Variants in CYP39A1 observed in about 807,000 individuals in gnomAD.
CYP39A1 encodes 24-hydroxycholesterol 7-alpha-hydroxylase.
CYP39A1 carries 49 observed loss-of-function variants against 58.1 expected under a neutral mutation model. That is an observed-to-expected ratio of 0.84 (90% CI 0.67 to 1.07). The LOEUF (loss-of-function observed/expected upper bound fraction) is 1.07. Ranked by LOEUF, CYP39A1 falls within the 50% of genes least tolerant of loss-of-function variation. CYP39A1 has a pLI of 0.00. For synonymous variants in CYP39A1, 209 were observed against 187.6 expected (o/e 1.11, Z -0.93); for missense variants, 531 against 539.4 (o/e 0.98, Z 0.16).
intron 10 of CYP39A1, among the ~76,000 whole-genome samples, chr6:46,560,493 T>G (rs1173883201): frequency 6.6e-6 from 1 of 152,142 alleles, no homozygotes; most frequent in Non-Finnish European, 1.5e-5. Context: ...ATACAGCTGT[T>G]GTTTACCTCA....
At chr6:46,552,060 T>C (rs1288427245) in intron 11 of CYP39A1, among the ~76,000 whole-genome samples, 1 of 152,138 alleles carries the variant, frequency 6.6e-6, no homozygotes, top group African/African-American at 2.4e-5. Flanking sequence ...ATACAGATAA[T>C]AGAATTCTTA....
intron 7 of CYP39A1, among the ~76,000 whole-genome samples, chr6:46,613,187 G>A (rs922155208): frequency 2.6e-5 from 4 of 152,166 alleles, no homozygotes; most frequent in South Asian, 2.1e-4. Flanking sequence ...AGAGTCAGAC[G>A]CTTTCCTCAC....
intron 10 of CYP39A1, among the ~76,000 whole-genome samples, chr6:46,557,104 A>G (rs1476083442): frequency 6.6e-6 from 1 of 152,082 alleles, no homozygotes; most frequent in Non-Finnish European, 1.5e-5. Context: ...GCTGCCAAAG[A>G]AAAGATAATG....
intron 5 of CYP39A1, among the ~76,000 whole-genome samples, 200 bp from the exon 6 acceptor site, chr6:46,631,270 G>A (rs952745044): frequency 4.0e-5 from 6 of 151,524 alleles, no homozygotes; most frequent in South Asian, 4.1e-4. Flanking sequence ...GAGCTTGACC[G>A]CCTCACTGCA....
At position 46,607,161 on chromosome 6, in the gene CYP39A1, C is replaced by T. The variant is rs191366960; in HGVS notation, c.932-11041G>A. On this transcript the variant is annotated intron_variant, in intron 7 of 11. Coordinates refer to ENST00000275016, the MANE Select transcript of CYP39A1 (RefSeq NM_016593.5). ...AGACAAGAAGGGAATGAGAAACACA[C>T]GGCCACTGCCTTAAAGGATCCTGGA... Among the ~76,000 whole-genome samples the T allele has an allele frequency of 1.1e-3, 174 of 152,190 alleles. 3 individuals carry two copies. Among genetic ancestry groups the T allele is most frequent in the Non-Finnish European group, 6.8e-4 (46 of 67,998 alleles).
intron 10 of CYP39A1, among the ~76,000 whole-genome samples, chr6:46,561,339 A>T (rs1321239993): frequency 6.6e-6 from 1 of 152,094 alleles, no homozygotes; most frequent in Admixed American, 6.6e-5. Context: ...GCATCCTGGG[A>T]TAAAAGGCCC....
At chr6:46,606,777 T>C (rs1773874837) in intron 7 of CYP39A1, among the ~76,000 whole-genome samples, 1 of 152,242 alleles carries the variant, frequency 6.6e-6, no homozygotes, top group Admixed American at 6.5e-5. Context: ...CTCATAATGA[T>C]GTGTATTATA....
intron 2 of CYP39A1, among the ~76,000 whole-genome samples, chr6:46,640,476 T>C (rs1776260224): frequency 6.6e-6 from 1 of 152,202 alleles, no homozygotes; most frequent in Non-Finnish European, 1.5e-5. Context: ...GAGCCCACTA[T>C]TTTCTTTATG....
intron 7 of CYP39A1, among the ~76,000 whole-genome samples, chr6:46,604,067 G>T (rs1273902613): frequency 6.6e-6 from 1 of 152,046 alleles, no homozygotes; most frequent in Non-Finnish European, 1.5e-5. Context: ...ATTTTACAAG[G>T]AAAATTTCTT....
chr6:46,564,206 TTTTAA>T (rs1437250967), intron 10 of CYP39A1, among the ~76,000 whole-genome samples: 1 of 148,578 alleles, frequency 6.7e-6, no homozygotes, highest in East Asian at 1.9e-4. Flanking sequence ...TTTTATTTTA[TTTTAA>T]GACAGAGTCT....
At chr6:46,631,339 A>G (rs1346946210) in intron 5 of CYP39A1, among the ~76,000 whole-genome samples, 1 of 152,152 alleles carries the variant, frequency 6.6e-6, no homozygotes, top group African/African-American at 2.4e-5. Flanking sequence ...AAGCTACTTT[A>G]ATCTCTCTGT....
chr6:46,568,607 A>G (rs1312280246), intron 10 of CYP39A1, among the ~76,000 whole-genome samples: 1 of 152,048 alleles, frequency 6.6e-6, no homozygotes, highest in Non-Finnish European at 1.5e-5. Flanking sequence ...TTTTGCATGT[A>G]AATATTTAGT....
intron 7 of CYP39A1, among the ~76,000 whole-genome samples, chr6:46,623,301 A>G (rs1036074510): frequency 6.6e-6 from 1 of 152,054 alleles, no homozygotes; most frequent in Non-Finnish European, 1.5e-5. Context: ...GCCCTCCTAT[A>G]TGTGGGTGGG....
chr6:46,631,009 T>C lies in CYP39A1; in HGVS notation c.794A>G (p.Asn265Ser), dbSNP rs1209741705. The change falls in exon 6 of 12, where the codon AAT becomes AGT. Residue 265 changes from asparagine (N) to serine (S), a missense_variant. Asn to Ser is a conservative substitution (Grantham distance 46). Coordinates refer to ENST00000275016, the MANE Select transcript of CYP39A1 (RefSeq NM_016593.5). ...AGCCCAAAGCAGTAAGAGCCCATAA[T>C]TGGGTGAGTTTTCCTTACTTGTTTC... ...ETETSKENSP[N>S]YGLLLLWASL... 9 of 1,613,940 alleles carry C rather than the reference T, an allele frequency of 5.6e-6. No individual in the cohort carries two copies. The highest frequency in any genetic ancestry group is 1.6e-4 in the Middle Eastern group (1 of 6,084).
intron 1 of CYP39A1, among the ~76,000 whole-genome samples, chr6:46,650,176 T>C (rs1260476966): frequency 6.6e-6 from 1 of 150,800 alleles, no homozygotes; most frequent in Non-Finnish European, 1.5e-5. Flanking sequence ...TATGAAGAGG[T>C]TTATTTCATA....
chr6:46,652,451 C>T lies in CYP39A1; in HGVS notation c.132G>A (p.Glu44=). The change falls in exon 1 of 12, where the codon GAG becomes GAA. Residue 44 remains glutamate, a synonymous_variant. Transcript: ENST00000275016. ...TAAATTCTAGAGGGGCTTTCCCAAA[C>T]TCAAATCCAACTCCAATCCAAGGAA... ...GWIPWIGVGF[E]FGKAPLEFIE... 3 of 1,613,850 alleles carry T rather than the reference C, an allele frequency of 1.9e-6. No individual in the cohort carries two copies. Among genetic ancestry groups the T allele is most frequent in the Non-Finnish European group, 2.5e-6 (3 of 1,179,914 alleles).
intron 4 of CYP39A1, among the ~76,000 whole-genome samples, chr6:46,636,722 T>C (rs1473603144): frequency 6.6e-6 from 1 of 152,194 alleles, no homozygotes; most frequent in Non-Finnish European, 1.5e-5. Context: ...TCCTACTGGA[T>C]TGGCACTGAA....
chr6:46,634,730 C>T (rs1478138675), intron 5 of CYP39A1, among the ~76,000 whole-genome samples: 1 of 152,028 alleles, frequency 6.6e-6, no homozygotes, highest in Non-Finnish European at 1.5e-5. Context: ...CCATGTTCGC[C>T]AGGCTGATCT....
intron 10 of CYP39A1, among the ~76,000 whole-genome samples, chr6:46,585,930 A>C (rs1457493520): frequency 6.6e-6 from 1 of 152,078 alleles, no homozygotes; most frequent in Non-Finnish European, 1.5e-5. Context: ...GGACAGGATG[A>C]ACGGGGCCTC....
Sources: allele counts gnomAD v4.1 joint callset (sites outside exome capture counted in the v4.1 genomes callset), GRCh38; gene constraint gnomAD v4.1.1; transcripts MANE v1.5; gene names NCBI Gene and HGNC (gene_info 2026-07-23, HGNC 2026-07-21).